The following DSCAM variants were observed in gnomAD, a reference collection of about 807,000 sequenced individuals.
DSCAM encodes the protein DS cell adhesion molecule, also known as cell adhesion molecule DSCAM.
In DSCAM, 47 loss-of-function variants were observed where a neutral mutation model predicts 217.7. That is an observed-to-expected ratio of 0.22 (90% CI 0.17 to 0.28). DSCAM has a LOEUF of 0.28. DSCAM is among the 10% of genes least tolerant of loss of function. The pLI, the probability that DSCAM is intolerant of heterozygous loss-of-function variation, is 1.00. For missense variants in DSCAM, 2,080 were observed against 2,618.3 expected (o/e 0.79, Z 4.49); for synonymous variants, 1,056 against 1,015.3 (o/e 1.04, Z -0.76).
intron 3 of DSCAM, among the ~76,000 whole-genome samples, chr21:40,661,964 T>C (rs2090143087): frequency 6.6e-6 from 1 of 152,220 alleles, no homozygotes; most frequent in Non-Finnish European, 1.5e-5. Flanking sequence ...ATTTAAAATA[T>C]GCCTAGCAAG....
intron 24 of DSCAM, 77 bp downstream of exon 24, chr21:40,083,831 T>C: frequency 8.5e-7 from 1 of 1,177,696 alleles, no homozygotes; most frequent in Admixed American, 2.2e-5. Flanking sequence ...TACCAGTCAT[T>C]TGCTGAAGAT....
At chr21:40,044,770 G>A (rs1470901826) in intron 30 of DSCAM, among the ~76,000 whole-genome samples, 1 of 152,200 alleles carries the variant, frequency 6.6e-6, no homozygotes, top group African/African-American at 2.4e-5. Context: ...GTTATGACCC[G>A]ATGCACATCA....
intron 3 of DSCAM, among the ~76,000 whole-genome samples, chr21:40,640,681 C>T (rs183340627): frequency 6.6e-6 from 1 of 152,140 alleles, no homozygotes; most frequent in Non-Finnish European, 1.5e-5. Context: ...ATGTGGAGAG[C>T]AGAGGTTGTC....
At chr21:40,636,120 A>C (rs1056793208) in intron 3 of DSCAM, among the ~76,000 whole-genome samples, 1 of 152,162 alleles carries the variant, frequency 6.6e-6, no homozygotes, top group Non-Finnish European at 1.5e-5. Context: ...TCATTTTCCT[A>C]CTTCTGAGTG....
chr21:40,623,573 T>C (rs892833963), intron 3 of DSCAM, among the ~76,000 whole-genome samples: 1 of 152,252 alleles, frequency 6.6e-6, no homozygotes, highest in African/African-American at 2.4e-5. Flanking sequence ...CTATCTGTAA[T>C]GAGCTTCTTC....
At chr21:40,260,420 G>A (rs1258677171) in intron 11 of DSCAM, among the ~76,000 whole-genome samples, 2 of 152,180 alleles carry the variant, frequency 1.3e-5, no homozygotes, top group African/African-American at 4.8e-5. Context: ...CAGATGGTGG[G>A]TCACTGCCCT....
intron 3 of DSCAM, among the ~76,000 whole-genome samples, chr21:40,564,901 C>T (rs1448586133): frequency 2.6e-5 from 4 of 152,094 alleles, no homozygotes; most frequent in Non-Finnish European, 4.4e-5. Flanking sequence ...CTGTACAGAC[C>T]TAGTTGCTCC....
intron 3 of DSCAM, among the ~76,000 whole-genome samples, chr21:40,473,598 A>G (rs1016984380): frequency 6.6e-6 from 1 of 152,232 alleles, no homozygotes; most frequent in African/African-American, 2.4e-5. Context: ...CAGAATGTGC[A>G]TATACAACTA....
chr21:40,356,314 T>TAC (rs1286503274), intron 4 of DSCAM, among the ~76,000 whole-genome samples: 1 of 151,554 alleles, frequency 6.6e-6, no homozygotes, highest in Non-Finnish European at 1.5e-5. Flanking sequence ...TGTCATCACA[T>TAC]ACACACACAT....
chr21:40,355,922 C>A (rs946066210), intron 4 of DSCAM, among the ~76,000 whole-genome samples: 2 of 152,198 alleles, frequency 1.3e-5, no homozygotes, highest in African/African-American at 4.8e-5. Context: ...CTTCACTAAG[C>A]ACAATGCCCT....
rs944856735 is a variant in DSCAM at position 40,791,882 on chromosome 21, G to A, written c.43+54737C>T. On this transcript the variant is annotated intron_variant, in intron 1 of 32. Coordinates refer to ENST00000400454, the MANE Select transcript of DSCAM (RefSeq NM_001389.5). ...AGCTCACTGAATGTAGATTGACTTG[G>A]GGAGTGCTGCTTCCTCACGATTTCA... Among the ~76,000 whole-genome samples, 129 of 152,164 alleles carry A rather than the reference G, an allele frequency of 8.5e-4. 2 individuals are homozygous for A. The highest frequency in any genetic ancestry group is 2.8e-4 in the Non-Finnish European group (19 of 68,016).
At chr21:40,820,817 TC>T (rs1402276376) in intron 1 of DSCAM, among the ~76,000 whole-genome samples, 2 of 152,028 alleles carry the variant, frequency 1.3e-5, no homozygotes, top group Non-Finnish European at 2.9e-5. Context: ...CATCAGAACC[TC>T]CCAGGTTTCA....
At chr21:40,563,828 T>G (rs555882029) in intron 3 of DSCAM, among the ~76,000 whole-genome samples, 37 of 148,660 alleles carry the variant, frequency 2.5e-4, no homozygotes, top group Middle Eastern at 7.1e-3. Flanking sequence ...AGTTATATGT[T>G]TATATATGTT....
chr21:40,698,805 G>A (rs950423137), intron 2 of DSCAM, among the ~76,000 whole-genome samples: 2 of 150,636 alleles, frequency 1.3e-5, no homozygotes, highest in Non-Finnish European at 2.9e-5. Context: ...GGGAGGCAGA[G>A]GTTGCAGTGA....
intron 32 of DSCAM, among the ~76,000 whole-genome samples, chr21:40,017,655 G>A (rs530319272): frequency 3.0e-4 from 46 of 151,680 alleles, no homozygotes; most frequent in Non-Finnish European, 2.6e-4. Context: ...CGGTTCAAGC[G>A]ATTCTCCCCC....
chr21:40,361,384 G>T (rs1228017690), intron 4 of DSCAM, among the ~76,000 whole-genome samples: 1 of 152,144 alleles, frequency 6.6e-6, no homozygotes, highest in African/African-American at 2.4e-5. Flanking sequence ...ACTTTGGGAG[G>T]CCGAGGCAGG....
chr21:40,367,017 C>T (rs1190966981), intron 4 of DSCAM, among the ~76,000 whole-genome samples: 2 of 152,258 alleles, frequency 1.3e-5, no homozygotes, highest in East Asian at 3.9e-4. Context: ...TTGAGCCGTT[C>T]CCCTGAGAGT....
At chr21:40,771,768 T>G (rs907534620) in intron 1 of DSCAM, among the ~76,000 whole-genome samples, 2 of 152,252 alleles carry the variant, frequency 1.3e-5, no homozygotes, top group Admixed American at 1.3e-4. Flanking sequence ...TGTGATGCTA[T>G]TGTTACAGCC....
chr21:40,205,534 T>A (rs1334101323), intron 11 of DSCAM, among the ~76,000 whole-genome samples: 1 of 147,412 alleles, frequency 6.8e-6, no homozygotes, highest in Non-Finnish European at 1.5e-5. Flanking sequence ...ACCCGGGAGA[T>A]GGAGGTTGCA....
Sources: allele counts gnomAD v4.1 joint callset (sites outside exome capture counted in the v4.1 genomes callset), GRCh38; gene constraint gnomAD v4.1.1; transcripts MANE v1.5; gene names NCBI Gene and HGNC (gene_info 2026-07-23, HGNC 2026-07-21).